The following WWP1 variants were observed in gnomAD, a reference collection of about 807,000 sequenced individuals.
The protein encoded by WWP1 is WW domain containing E3 ubiquitin protein ligase 1, also known as NEDD4-like E3 ubiquitin-protein ligase WWP1.
WWP1 carries 49 observed loss-of-function variants against 130.6 expected under a neutral mutation model. The ratio of observed to expected loss-of-function variants is 0.38; its 90% CI spans 0.30 to 0.48. The LOEUF (loss-of-function observed/expected upper bound fraction) is 0.48, where lower values mean the gene tolerates loss of function less well. WWP1 is among the 20% of genes least tolerant of loss of function. The probability of loss-of-function intolerance (pLI) is 0.99; values close to 1 mark genes in which losing one functional copy is unlikely to be tolerated. For missense variants in WWP1, 809 were observed against 1,100.6 expected (o/e 0.74, Z 3.75); for synonymous variants, 332 against 367.8 (o/e 0.90, Z 1.11).
chr8:86,460,119 A>G (rs1811677752), intron 22 of WWP1, among the ~76,000 whole-genome samples: 1 of 152,176 alleles, frequency 6.6e-6, no homozygotes, highest in Admixed American at 6.5e-5. Context: ...CACCTTACCC[A>G]TTTATGTCGT....
At chr8:86,360,005 C>T (rs371369859) in intron 1 of WWP1, among the ~76,000 whole-genome samples, 28 of 151,680 alleles carry the variant, frequency 1.8e-4, no homozygotes, top group Admixed American at 1.1e-3. Context: ...GCTGAGATTG[C>T]GCCACTGCAC....
intron 9 of WWP1, among the ~76,000 whole-genome samples, chr8:86,415,316 G>A (rs567552887): frequency 3.9e-5 from 6 of 152,112 alleles, no homozygotes; most frequent in African/African-American, 1.4e-4. Flanking sequence ...ATTTACAAAT[G>A]TACAGAAAAT....
At position 86,444,822 on chromosome 8, in the gene WWP1, T is replaced by C. The variant is rs532887309; in HGVS notation, c.1998+2044T>C. ...ATTGGTCACTAACTGGAAATGCTTA[T>C]GGAGTCAAGAATGGGAGGAGAATAA... is the stretch of plus-strand genomic sequence containing the variant. On this transcript the variant is annotated intron_variant, in intron 18 of 24. Transcript: ENST00000517970. Among the ~76,000 whole-genome samples, 5 of 152,192 alleles carry C rather than the reference T, an allele frequency of 3.3e-5. No homozygotes were observed. In the South Asian group the frequency reaches 1.0e-3, roughly 32 times the overall value.
At chr8:86,405,372 G>A (rs996863300) in intron 8 of WWP1, among the ~76,000 whole-genome samples, 1 of 138,592 alleles carries the variant, frequency 7.2e-6, no homozygotes, top group South Asian at 2.3e-4. Flanking sequence ...ATGGCAAAAT[G>A]ACTAGAACTG....
intron 3 of WWP1, among the ~76,000 whole-genome samples, chr8:86,375,659 C>G (rs1256190182): frequency 1.3e-5 from 2 of 152,114 alleles, no homozygotes; most frequent in African/African-American, 2.4e-5. Context: ...TGTAAAAAAG[C>G]TAACTAGTCT....
chr8:86,451,214 T>TTAAAA (rs1811155514), intron 20 of WWP1, among the ~76,000 whole-genome samples: 1 of 43,680 alleles, frequency 2.3e-5, no homozygotes, highest in African/African-American at 8.5e-5. Context: ...CCTATGTTAT[T>TTAAAA]AAAAAAAAAA....
At chr8:86,369,266 T>A (rs2130275620) in intron 2 of WWP1, among the ~76,000 whole-genome samples, 1 of 152,308 alleles carries the variant, frequency 6.6e-6, no homozygotes, top group East Asian at 1.9e-4. Context: ...ACCTTATCTT[T>A]TAAGTGTCAT....
chr8:86,403,977 C>T (rs1337094386), intron 8 of WWP1, among the ~76,000 whole-genome samples: 2 of 152,160 alleles, frequency 1.3e-5, no homozygotes, highest in Admixed American at 6.5e-5. Context: ...TTGGATTATT[C>T]AGATTATTTC....
intron 8 of WWP1, among the ~76,000 whole-genome samples, chr8:86,406,236 A>C (rs903141133): frequency 6.6e-6 from 1 of 152,242 alleles, no homozygotes; most frequent in South Asian, 2.1e-4. Context: ...ACTACCTTAT[A>C]GGACAGTTTT....
At chr8:86,370,018 A>T (rs1000019789) in intron 2 of WWP1, among the ~76,000 whole-genome samples, 20 of 152,206 alleles carry the variant, frequency 1.3e-4, no homozygotes, top group Non-Finnish European at 2.1e-4. Context: ...GATCAATCCC[A>T]ATATGGTTAA....
At chr8:86,353,952 AG>A (rs1245468284) in intron 1 of WWP1, among the ~76,000 whole-genome samples, 1 of 152,194 alleles carries the variant, frequency 6.6e-6, no homozygotes, top group Non-Finnish European at 1.5e-5. Context: ...CCATTTTTCT[AG>A]GTTAAAAATT....
At chr8:86,456,837 A>T (rs1030882139) in intron 21 of WWP1, among the ~76,000 whole-genome samples, 5 of 152,024 alleles carry the variant, frequency 3.3e-5, no homozygotes, top group Non-Finnish European at 7.4e-5. Context: ...TGGGAAAAAC[A>T]AAAGAGGATG....
rs750900528 is a variant in WWP1 at position 86,360,744 on chromosome 8, G to A, written c.-114-8195G>A. Among the ~76,000 whole-genome samples the A allele has an allele frequency of 1.9e-3, 292 of 152,332 alleles. 2 individuals are homozygous for A. The highest frequency in any genetic ancestry group is 2.2e-3 in the Non-Finnish European group (147 of 68,038). ...GTCCTCAGGGATCTTACCTTGCAGA[G>A]TTGGGGGTATGGATAGAAGTGAGAG... On this transcript the variant is annotated intron_variant, in intron 1 of 24. Coordinates refer to ENST00000517970, the MANE Select transcript of WWP1 (RefSeq NM_007013.4).
rs140423665 is a variant in WWP1, at chr8:86,458,282, C to T, written c.2499+257C>T. ...ATAGTTTAATGTTAATAGTTGTAGG[C>T]GTAGCAATTTTTTTCTAGTGGTATC... On this transcript the variant is annotated intron_variant, in intron 22 of 24. Coordinates refer to ENST00000517970, the MANE Select transcript of WWP1 (RefSeq NM_007013.4). Among the ~76,000 whole-genome samples, 10 of 152,158 alleles carry T rather than the reference C, an allele frequency of 6.6e-5. No individual in the cohort carries two copies. The South Asian group carries it at 1.5e-3, about 22-fold the overall frequency.
intron 5 of WWP1, among the ~76,000 whole-genome samples, chr8:86,392,966 G>A (rs1345093281): frequency 1.3e-5 from 2 of 152,094 alleles, no homozygotes; most frequent in Non-Finnish European, 2.9e-5. Context: ...GCGTATGACA[G>A]CACCCATTTG....
chr8:86,443,381 C>T (rs1314951797), intron 18 of WWP1, among the ~76,000 whole-genome samples: 1 of 152,104 alleles, frequency 6.6e-6, no homozygotes, highest in East Asian at 1.9e-4. Context: ...GCCTACTTTT[C>T]AATAAAAGGA....
At chr8:86,400,643 G>C (rs1200003233) in intron 7 of WWP1, among the ~76,000 whole-genome samples, 2 of 152,168 alleles carry the variant, frequency 1.3e-5, no homozygotes, top group African/African-American at 4.8e-5. Flanking sequence ...TAACTCTAGA[G>C]AATAATATTT....
At position 86,374,062 on chromosome 8, in the gene WWP1, T is replaced by C. The variant is rs1300632178; in HGVS notation, c.12T>C (p.Ala4=). The stretch of plus-strand genomic sequence containing the variant: ...CTGAATTTTGGGACATGGCCACTGC[T>C]TCACCAAGGTCTGATACTAGTAATA... MAT[A]SPRSDTSNNH... Residue 4 remains alanine, a synonymous_variant, in exon 3 of 25, where the codon GCT becomes GCC. Transcript: ENST00000517970. The C allele has an allele frequency of 6.2e-7, 1 of 1,607,488 alleles. No individual in the cohort carries two copies.
At chr8:86,360,316 G>T (rs1433339187) in intron 1 of WWP1, among the ~76,000 whole-genome samples, 1 of 152,076 alleles carries the variant, frequency 6.6e-6, no homozygotes, top group African/African-American at 2.4e-5. Flanking sequence ...TAAGGGCCTC[G>T]TAACTTTCAC....
Sources: allele counts gnomAD v4.1 joint callset (sites outside exome capture counted in the v4.1 genomes callset), GRCh38; gene constraint gnomAD v4.1.1; transcripts MANE v1.5; gene names NCBI Gene and HGNC (gene_info 2026-07-23, HGNC 2026-07-21).